The following FSIP1 variants were observed in gnomAD, a reference collection of about 807,000 sequenced individuals.
The protein encoded by FSIP1 is fibrous sheath interacting protein 1.
Under a neutral mutation model 60.9 loss-of-function variants are expected in FSIP1, and 65 were observed. The observed-to-expected ratio is 1.07, with a 90% CI of 0.87 to 1.31. The LOEUF is 1.31. Ranked by LOEUF, FSIP1 falls within the 40% of genes most tolerant of loss-of-function variation. The probability of loss-of-function intolerance (pLI) is 0.00; values close to 1 mark genes in which losing one functional copy is unlikely to be tolerated. For synonymous variants in FSIP1, 209 were observed against 221.2 expected (o/e 0.94, Z 0.49); for missense variants, 675 against 665.5 (o/e 1.01, Z -0.16).
At chr15:39,751,068 T>C (rs1897146871) in intron 5 of FSIP1, among the ~76,000 whole-genome samples, 1 of 151,866 alleles carries the variant, frequency 6.6e-6, no homozygotes. Context: ...TCAACCCTAC[T>C]GTGAGATAAC....
intron 2 of FSIP1, among the ~76,000 whole-genome samples, chr15:39,773,505 T>C (rs1236338895): frequency 6.6e-6 from 1 of 152,212 alleles, no homozygotes; most frequent in Non-Finnish European, 1.5e-5. Flanking sequence ...TAATAAGTCT[T>C]GAATGAAGTA....
intron 5 of FSIP1, among the ~76,000 whole-genome samples, chr15:39,743,238 T>G (rs1165136691): frequency 1.3e-5 from 2 of 152,164 alleles, no homozygotes; most frequent in Non-Finnish European, 2.9e-5. Flanking sequence ...CTGAGACCAG[T>G]GTCATGCAGG....
intron 10 of FSIP1, among the ~76,000 whole-genome samples, chr15:39,627,129 C>T (rs545957596): frequency 3.9e-5 from 6 of 152,322 alleles, no homozygotes; most frequent in Admixed American, 2.0e-4. Context: ...ACAAGTCAAA[C>T]GGCCAGGCTG....
At chr15:39,667,264 A>G (rs10520146) in intron 10 of FSIP1, among the ~76,000 whole-genome samples, 29,002 of 152,156 alleles carry the variant, frequency 0.19, 3,350 homozygotes, top group African/African-American at 0.31. Context: ...TTTTTTTAAC[A>G]TGACACAACA....
chr15:39,662,403 T>C (rs1893332535), intron 10 of FSIP1, among the ~76,000 whole-genome samples: 1 of 151,978 alleles, frequency 6.6e-6, no homozygotes, highest in Admixed American at 6.6e-5. Context: ...TTTAGAAGAG[T>C]TCTTTTATAG....
chr15:39,700,175 C>T (rs1894998842), intron 10 of FSIP1, among the ~76,000 whole-genome samples: 1 of 152,218 alleles, frequency 6.6e-6, no homozygotes, highest in African/African-American at 2.4e-5. Flanking sequence ...TTTCCAAAAG[C>T]TGGCCCTTTT....
At chr15:39,757,801 ACAGT>A (rs897539511) in intron 5 of FSIP1, among the ~76,000 whole-genome samples, 6 of 152,176 alleles carry the variant, frequency 3.9e-5, no homozygotes, top group African/African-American at 1.4e-4. Flanking sequence ...ACTAATTAAG[ACAGT>A]CAGTAGCAAG....
chr15:39,662,536 C>T (rs1359824710), intron 10 of FSIP1, among the ~76,000 whole-genome samples: 1 of 152,052 alleles, frequency 6.6e-6, no homozygotes, highest in African/African-American at 2.4e-5. Flanking sequence ...TTAATTTGCA[C>T]AATGTTGCTC....
At chr15:39,607,050 A>T (rs1004319782) in intron 11 of FSIP1, among the ~76,000 whole-genome samples, 3 of 152,132 alleles carry the variant, frequency 2.0e-5, no homozygotes, top group Admixed American at 6.5e-5. Context: ...CACAAGGAGG[A>T]ACTTGCAGTG....
intron 10 of FSIP1, among the ~76,000 whole-genome samples, chr15:39,629,497 C>T (rs1166605109): frequency 6.6e-6 from 1 of 152,190 alleles, no homozygotes; most frequent in Non-Finnish European, 1.5e-5. Flanking sequence ...CCATGTTCCA[C>T]GCACAGGGGC....
chr15:39,602,610 T>C (rs967720958), intron 11 of FSIP1, among the ~76,000 whole-genome samples: 2 of 152,170 alleles, frequency 1.3e-5, no homozygotes, highest in African/African-American at 4.8e-5. Flanking sequence ...TTAAACAGGA[T>C]GTAGAGGCAG....
chr15:39,647,807 C>T (rs2140430388), intron 10 of FSIP1, among the ~76,000 whole-genome samples: 1 of 151,686 alleles, frequency 6.6e-6, no homozygotes, highest in South Asian at 2.1e-4. Context: ...AATGTTCTAA[C>T]AAAATCTACT....
At chr15:39,745,641 C>T (rs933182766) in intron 5 of FSIP1, among the ~76,000 whole-genome samples, 2 of 152,176 alleles carry the variant, frequency 1.3e-5, no homozygotes, top group Non-Finnish European at 1.5e-5. Flanking sequence ...CACTCACTCA[C>T]AGTGGAACCA....
chr15:39,619,881 G>C (rs1448691117), intron 10 of FSIP1, among the ~76,000 whole-genome samples: 3 of 152,126 alleles, frequency 2.0e-5, no homozygotes, highest in Admixed American at 6.5e-5. Flanking sequence ...GTCCATATTA[G>C]AGCAGGAGGA....
At chr15:39,639,533 C>T (rs541697685) in intron 10 of FSIP1, among the ~76,000 whole-genome samples, 30 of 152,288 alleles carry the variant, frequency 2.0e-4, no homozygotes, top group Non-Finnish European at 4.0e-4. Context: ...CAGTCAGGAA[C>T]TACATACAAT....
chr15:39,726,665 A>T lies in FSIP1; in HGVS notation c.974T>A (p.Ile325Lys). 1 of 1,614,100 alleles carries T rather than the reference A, an allele frequency of 6.2e-7. No individual in the cohort carries two copies. The highest frequency in any genetic ancestry group is 1.1e-5 in the South Asian group (1 of 91,078). ...TQHQQLAEID[I>K]KLQELSAASP... is the part of the protein sequence containing the mutation. ...GGCTGCAGAGAGTTCTTGGAGTTTT[A>T]TATCAATTTCAGCAAGCTGCTGATG... Residue 325 changes from isoleucine to lysine, a missense_variant, in exon 9 of 12, where the codon ATA becomes AAA. Coordinates refer to ENST00000350221, the MANE Select transcript of FSIP1 (RefSeq NM_152597.5).
intron 9 of FSIP1, among the ~76,000 whole-genome samples, chr15:39,715,745 TG>T (rs1184167110): frequency 3.3e-5 from 5 of 152,086 alleles, no homozygotes; most frequent in African/African-American, 1.2e-4. Flanking sequence ...GATTGGGTCA[TG>T]GGGGTGGAGT....
chr15:39,769,457 G>A (rs28896916), intron 3 of FSIP1, among the ~76,000 whole-genome samples: 21,664 of 152,080 alleles, frequency 0.14, 1,891 homozygotes, highest in Admixed American at 0.27. Context: ...AAGTCTACCA[G>A]ATACCCATCT....
At chr15:39,613,839 T>C (rs2140373881) in intron 11 of FSIP1, among the ~76,000 whole-genome samples, 1 of 152,182 alleles carries the variant, frequency 6.6e-6, no homozygotes, top group African/African-American at 2.4e-5. Flanking sequence ...ATTAATAAAA[T>C]GAAGGATAAA....
Sources: gnomAD v4.1 joint callset for allele counts (sites outside exome capture counted in the v4.1 genomes callset) on GRCh38, gnomAD v4.1.1 for gene constraint, MANE v1.5 for transcripts, NCBI Gene and HGNC (gene_info 2026-07-23, HGNC 2026-07-21) for gene names.